CLSTN1: variants seen among roughly 807,000 people sequenced by gnomAD.
The protein encoded by CLSTN1 is calsyntenin-1.
A neutral mutation model predicts 108.3 loss-of-function variants in CLSTN1; 28 were observed. The ratio of observed to expected loss-of-function variants is 0.26; its 90% confidence interval spans 0.19 to 0.35. The LOEUF is 0.35. CLSTN1 is among the 10% of genes least tolerant of loss of function. The pLI, the probability that CLSTN1 is intolerant of heterozygous loss-of-function variation, is 1.00. For missense variants in CLSTN1, 1,157 were observed against 1,302.6 expected (o/e 0.89, Z 1.72); for synonymous variants, 524 against 534.9 (o/e 0.98, Z 0.28).
Position 9,735,095 on chromosome 1 carries a change from T to C in CLSTN1, c.1963A>G (p.Ile655Val). The change falls in exon 14 of 19, where the codon ATC becomes GTC. Residue 655 changes from isoleucine (I) to valine (V), a missense_variant. Ile to Val is a conservative substitution (Grantham distance 29, BLOSUM62 3). Transcript: ENST00000377298. ...AAATGGTGGACGCCACTCAGGCTGA[T>C]CTTGGGCTCCTCGGGCTGTAAAACC... ...VMVLQPEEPK[I>V]SLSGVHHFAR... is the part of the protein sequence containing the mutation. 2.5e-6 allele frequency: 4 copies of C among 1,614,196 alleles called. No individual in the cohort carries two copies. The highest frequency in any genetic ancestry group is 1.6e-4 in the Middle Eastern group (1 of 6,062).
intron 4 of CLSTN1, 116 bp from the exon 5 acceptor site, chr1:9,751,797 G>A: frequency 4.9e-6 from 4 of 816,006 alleles, no homozygotes; most frequent in Non-Finnish European, 7.8e-6. Context: ...TCCTGTTTCT[G>A]ATACCTTGTT....
intron 10 of CLSTN1, 88 bp from the exon 11 acceptor site, chr1:9,737,642 C>G: frequency 8.8e-7 from 1 of 1,138,324 alleles, no homozygotes; most frequent in Non-Finnish European, 1.3e-6. Flanking sequence ...TTGAAGCAAC[C>G]AACTATAAAA....
Position 9,741,162 on chromosome 1 carries a change from A to G in CLSTN1, c.1451T>C (p.Val484Ala), listed in dbSNP as rs777273228. 6.2e-7 allele frequency: 1 copy of G among 1,614,178 alleles called. No homozygotes were observed. Among genetic ancestry groups the G allele is most frequent in the Non-Finnish European group, 8.5e-7 (1 of 1,180,018 alleles). ...TGGATGGAGCGGGTAATCCTCAGTC[A>G]CAGAGAAGGGCTCGTGGGACGTGCC... ...VDGTSHEPFS[V>A]TEDYPLHPSK... The change falls in exon 10 of 19, where the codon GTG becomes GCG. Residue 484 changes from valine to alanine, a missense_variant. Transcript: ENST00000377298.
At chr1:9,812,870 C>CA (rs1654819898) in intron 1 of CLSTN1, among the ~76,000 whole-genome samples, 3 of 141,594 alleles carry the variant, frequency 2.1e-5, no homozygotes, top group South Asian at 4.5e-4. Context: ...AAAAAACAAA[C>CA]AAACCTATTG....
chr1:9,799,566 G>A (rs571573047), intron 1 of CLSTN1, among the ~76,000 whole-genome samples: 5 of 151,330 alleles, frequency 3.3e-5, no homozygotes, highest in Admixed American at 6.6e-5. Context: ...GTGTGAACCC[G>A]GGAGGCAGAC....
intron 2 of CLSTN1, among the ~76,000 whole-genome samples, chr1:9,759,509 C>G (rs1459725020): frequency 6.6e-6 from 1 of 152,206 alleles, no homozygotes; most frequent in Non-Finnish European, 1.5e-5. Context: ...GTCTTGATCT[C>G]CTGACCTCAT....
chr1:9,779,472 G>A (rs1457967583), intron 1 of CLSTN1, among the ~76,000 whole-genome samples: 1 of 152,080 alleles, frequency 6.6e-6, no homozygotes, highest in Non-Finnish European at 1.5e-5. Context: ...CAGGAGAATC[G>A]CTTGAACCCG....
intron 3 of CLSTN1, 98 bp from the exon 4 acceptor site, chr1:9,755,407 AC>A: frequency 9.3e-7 from 1 of 1,074,590 alleles, no homozygotes; most frequent in Non-Finnish European, 1.4e-6. Flanking sequence ...AAAATAAATG[AC>A]AACAATTTGG....
intron 16 of CLSTN1, among the ~76,000 whole-genome samples, chr1:9,732,746 C>T (rs1196508455): frequency 1.3e-5 from 2 of 152,224 alleles, no homozygotes; most frequent in Admixed American, 1.3e-4. Context: ...GAGTCACCAG[C>T]GCCAGCCTCA....
chr1:9,748,042 TAAA>T (rs59608707), intron 7 of CLSTN1, among the ~76,000 whole-genome samples: 1 of 134,850 alleles, frequency 7.4e-6, no homozygotes, highest in Non-Finnish European at 1.6e-5. Flanking sequence ...AGACTCTGTC[TAAA>T]AAAAAAAAAA....
chr1:9,775,139 A>C (rs1652874513), intron 1 of CLSTN1, among the ~76,000 whole-genome samples: 1 of 152,104 alleles, frequency 6.6e-6, no homozygotes, highest in Admixed American at 6.6e-5. Flanking sequence ...TTTATAAGCA[A>C]GGTCTTTGTG....
rs1426596062 is a variant in CLSTN1, at chr1:9,735,943, TACAG to T, written c.1672_1675del (p.Leu558IlefsTer30). Reference sequence around the variant, plus strand: ...CAGGTCCAGCCCCTCCTTGCAGGTATACAGACAGTCGATCACCTTCTTATCCGCG... The same window carrying T: ...CAGGTCCAGCCCCTCCTTGCAGGTATACAGTCGATCACCTTCTTATCCGCG... On this transcript the variant is annotated frameshift_variant, in exon 12 of 19. Transcript: ENST00000377298. LOFTEE classifies it high-confidence loss of function. The T allele has an allele frequency of 1.2e-6, 2 of 1,614,192 alleles. No homozygotes were observed. Among genetic ancestry groups the T allele is most frequent in the East Asian group, 2.2e-5 (1 of 44,880 alleles).
intron 1 of CLSTN1, among the ~76,000 whole-genome samples, chr1:9,813,079 C>T (rs537985599): frequency 1.3e-5 from 2 of 152,152 alleles, no homozygotes; most frequent in East Asian, 1.9e-4. Context: ...GCATGAGAAT[C>T]GCTTGAACCC....
chr1:9,777,167 C>G (rs1251435459), intron 1 of CLSTN1, among the ~76,000 whole-genome samples: 1 of 148,754 alleles, frequency 6.7e-6, no homozygotes, highest in African/African-American at 2.5e-5. Context: ...TTGCAGTGAG[C>G]CAAGATTGTA....
intron 1 of CLSTN1, among the ~76,000 whole-genome samples, chr1:9,782,732 C>T (rs1397714013): frequency 6.6e-6 from 1 of 152,202 alleles, no homozygotes; most frequent in African/African-American, 2.4e-5. Flanking sequence ...CCGGGCCGGG[C>T]GTGGTGGCTC....
rs553454667 is a variant in CLSTN1, at chr1:9,823,255, G to C, written c.91+388C>G. On this transcript the variant is annotated intron_variant, in intron 1 of 18. Transcript: ENST00000377298. This position sits in a 1 kb window ranked among gnomAD's most constrained non-coding sequence, Gnocchi z 6.3. ...ACCCAGGGGTGCAGCCCCAGCCTGC[G>C]TGCGCCGCTGAGCAGGGCGGACTGA... Among the ~76,000 whole-genome samples the C allele has an allele frequency of 2.0e-5, 3 of 152,190 alleles. No homozygotes were observed. The highest frequency in any genetic ancestry group is 6.5e-5 in the Admixed American group (1 of 15,284).
chr1:9,823,980 C>G (rs1334955905), upstream of CLSTN1: 1 of 154,100 alleles, frequency 6.5e-6, no homozygotes, highest in Non-Finnish European at 1.4e-5. This position sits in a 1 kb window ranked among gnomAD's most constrained non-coding sequence, Gnocchi z 6.3. Context: ...GCGGCGCTCT[C>G]TCTCGGGTCC....
chr1:9,753,250 G>A (rs1037548970), intron 4 of CLSTN1, among the ~76,000 whole-genome samples: 2 of 152,214 alleles, frequency 1.3e-5, no homozygotes, highest in Non-Finnish European at 2.9e-5. Flanking sequence ...TGATGTGACA[G>A]GAGGTGGAGC....
In CLSTN1 at chr1:9,737,610, A is replaced by C; in HGVS notation, c.1520-56T>G. On this transcript the variant is annotated intron_variant, in intron 10 of 18. Coordinates refer to ENST00000377298, the MANE Select transcript of CLSTN1 (RefSeq NM_001009566.3). ...AAGGACTGAGAGGTTAGGGTCTTCA[A>C]ACCGGACCTTGAAAACCAGGTTTGA... 7 of 1,520,878 alleles carry C rather than the reference A, an allele frequency of 4.6e-6. 1 individual carries two copies. In the South Asian group the frequency reaches 6.9e-5, roughly 15 times the overall value. 94.2% of individuals were successfully genotyped at this position (1,520,878 alleles called of 1,614,324 possible).
Sources: gnomAD v4.1 joint callset for allele counts (sites outside exome capture counted in the v4.1 genomes callset) on GRCh38, gnomAD v4.1.1 for gene constraint, Gnocchi (gnomAD v3.1) non-coding constraint, MANE v1.5 for transcripts, NCBI Gene and HGNC (gene_info 2026-07-23, HGNC 2026-07-21) for gene names.